The following SIN3A variants were observed in gnomAD, a reference collection of about 807,000 sequenced individuals.
The protein encoded by SIN3A is paired amphipathic helix protein Sin3a.
In SIN3A, 14 loss-of-function variants were observed where a neutral mutation model predicts 146.1. The observed-to-expected ratio is 0.10, with a 90% confidence interval of 0.06 to 0.15. The LOEUF is 0.15. Among genes scored for constraint, SIN3A ranks in the 10% least tolerant of loss-of-function variants. SIN3A has a pLI of 1.00. For synonymous variants in SIN3A, 572 were observed against 572.0 expected (o/e 1.00, Z 0.00); for missense variants, 1,028 against 1,576.0 (o/e 0.65, Z 5.89).
chr15:75,433,138 G>T (rs914253906), intron 1 of SIN3A, among the ~76,000 whole-genome samples: 6 of 152,172 alleles, frequency 3.9e-5, no homozygotes, highest in African/African-American at 7.2e-5. Flanking sequence ...TACCTTTTAA[G>T]AACTGGATTC....
intron 19 of SIN3A, among the ~76,000 whole-genome samples, chr15:75,376,815 C>CCA (rs1422522407): frequency 6.7e-6 from 1 of 148,872 alleles, no homozygotes; most frequent in East Asian, 2.0e-4. Context: ...AGCCAAGATC[C>CCA]CACCACTGTA....
Position 75,380,837 on chromosome 15 carries a change from G to A in SIN3A, c.3289-114C>T, listed in dbSNP as rs577086315. The A allele has an allele frequency of 1.0e-4, 74 of 716,304 alleles. No individual in the cohort carries two copies. The African/African-American group carries it at 1.0e-3, about 10-fold the overall frequency. The allele number at this position is 716,304 out of a possible 1,614,324, so 44.4% of individuals were successfully genotyped here. Reference sequence around the variant, plus strand: ...AATGCCCCGAATTCATAAATTTCAAGATCAAAAAAGTCCCTTTCTATAAAG... The same window carrying A: ...AATGCCCCGAATTCATAAATTTCAAAATCAAAAAAGTCCCTTTCTATAAAG... On this transcript the variant is annotated intron_variant, in intron 18 of 20. Transcript: ENST00000394947.
intron 9 of SIN3A, among the ~76,000 whole-genome samples, chr15:75,406,483 C>A (rs976969136): frequency 6.6e-6 from 1 of 152,126 alleles, no homozygotes. Flanking sequence ...GTCAGGAGAT[C>A]GAGACCATCC....
At chr15:75,441,661 C>T (rs760401715) in intron 1 of SIN3A, among the ~76,000 whole-genome samples, 11 of 152,154 alleles carry the variant, frequency 7.2e-5, no homozygotes, top group Non-Finnish European at 1.0e-4. Flanking sequence ...TCAGGTACAG[C>T]TCTAGTAAGG....
At chr15:75,406,405 C>T (rs945706916) in intron 9 of SIN3A, among the ~76,000 whole-genome samples, 22 of 152,256 alleles carry the variant, frequency 1.4e-4, no homozygotes, top group Middle Eastern at 3.4e-3. Flanking sequence ...TACAAGTCAT[C>T]GGCCAGGCGC....
At chr15:75,454,970 A>C (rs2074467359), upstream of SIN3A, 1 of 151,984 alleles carries the variant, frequency 6.6e-6, no homozygotes, top group South Asian at 2.1e-4. Context: ...CGCCACGGCC[A>C]GGGAGTTTGG....
chr15:75,401,059 T>C (rs1025519050), intron 10 of SIN3A, 119 bp from the exon 11 acceptor site: 1 of 691,656 alleles, frequency 1.4e-6, no homozygotes. Flanking sequence ...AATTATTTCC[T>C]GCCTAAGAAG....
chr15:75,434,111 GAGA>G (rs904364232), intron 1 of SIN3A, among the ~76,000 whole-genome samples: 15 of 152,214 alleles, frequency 9.9e-5, no homozygotes, highest in South Asian at 2.1e-4. Flanking sequence ...TCTCACAGAA[GAGA>G]AGAAGTGAAG....
intron 15 of SIN3A, among the ~76,000 whole-genome samples, chr15:75,391,084 C>G (rs2073191312): frequency 6.6e-6 from 1 of 152,206 alleles, no homozygotes; most frequent in Non-Finnish European, 1.5e-5. Flanking sequence ...AAAGAGGCAA[C>G]TGGCTTGAGT....
At chr15:75,407,220 G>A in intron 8 of SIN3A, 76 bp from the exon 9 acceptor site, 2 of 987,128 alleles carry the variant, frequency 2.0e-6, no homozygotes, top group Admixed American at 2.1e-5. Context: ...TGTATTCAAT[G>A]GTTTCATCAC....
At chr15:75,430,090 T>C in intron 2 of SIN3A, 97 bp downstream of exon 2, 1 of 885,736 alleles carries the variant, frequency 1.1e-6, no homozygotes. Flanking sequence ...ACTCAACAAT[T>C]TTTAATATCT....
chr15:75,439,886 C>T (rs4886443), intron 1 of SIN3A, among the ~76,000 whole-genome samples: 52,630 of 151,518 alleles, frequency 0.35, 10,439 homozygotes, highest in African/African-American at 0.54. Flanking sequence ...TGTGGTGGCT[C>T]ACGCCTGTAA....
intron 20 of SIN3A, among the ~76,000 whole-genome samples, chr15:75,375,039 A>G (rs1483367586): frequency 6.6e-6 from 1 of 152,184 alleles, no homozygotes; most frequent in Non-Finnish European, 1.5e-5. Flanking sequence ...ATCAGATACT[A>G]CTTGAGATGT....
chr15:75,406,108 A>G (rs544448715), intron 9 of SIN3A, among the ~76,000 whole-genome samples: 1 of 152,342 alleles, frequency 6.6e-6, no homozygotes, highest in East Asian at 1.9e-4. Context: ...AATAGAGTCA[A>G]TCACCACAGA....
intron 2 of SIN3A, among the ~76,000 whole-genome samples, chr15:75,426,983 TATGC>T (rs1209308492): frequency 2.0e-5 from 3 of 152,008 alleles, no homozygotes; most frequent in African/African-American, 7.3e-5. Context: ...TGAGCTTGTA[TATGC>T]ATATAAAACT....
chr15:75,383,661 T>TGGGA (rs1285911358), intron 17 of SIN3A, among the ~76,000 whole-genome samples: 3 of 152,142 alleles, frequency 2.0e-5, no homozygotes, highest in African/African-American at 7.2e-5. Flanking sequence ...CCAGAGTAGC[T>TGGGA]GGGACTACAG....
At chr15:75,386,991 C>T (rs2073096371) in intron 16 of SIN3A, among the ~76,000 whole-genome samples, 1 of 152,044 alleles carries the variant, frequency 6.6e-6, no homozygotes, top group Non-Finnish European at 1.5e-5. Context: ...ATTTTTAATA[C>T]AAATAGTGTT....
intron 16 of SIN3A, among the ~76,000 whole-genome samples, chr15:75,384,711 C>A (rs1351355484): frequency 1.3e-5 from 2 of 152,096 alleles, no homozygotes; most frequent in Admixed American, 1.3e-4. Context: ...TCAGGATAAT[C>A]GTACTATTTA....
chr15:75,380,373 G>A (rs892789954), intron 19 of SIN3A, among the ~76,000 whole-genome samples: 2 of 152,126 alleles, frequency 1.3e-5, no homozygotes, highest in Non-Finnish European at 1.5e-5. Flanking sequence ...TCGAACCATG[G>A]AGACTCTGAC....
Sources: allele counts gnomAD v4.1 joint callset (sites outside exome capture counted in the v4.1 genomes callset), GRCh38; gene constraint gnomAD v4.1.1; transcripts MANE v1.5; gene names NCBI Gene and HGNC (gene_info 2026-07-23, HGNC 2026-07-21).